Variants in ROBO2 observed in about 807,000 individuals in gnomAD.
ROBO2 encodes the protein roundabout homolog 2.
Under a neutral mutation model 160.8 loss-of-function variants are expected in ROBO2, and 53 were observed. The observed-to-expected ratio is 0.33, with a 90% CI of 0.26 to 0.41. ROBO2 has a LOEUF of 0.41. ROBO2 is among the 10% of genes least tolerant of loss of function. ROBO2 has a pLI of 1.00. For missense variants in ROBO2, 1,577 were observed against 1,722.4 expected, an observed-to-expected ratio of 0.92 and a Z score of 1.49; for synonymous variants, 664 against 611.7, an observed-to-expected ratio of 1.09 and a Z score of -1.26.
At chr3:77,197,819 A>G (rs891409397) in intron 2 of ROBO2, among the ~76,000 whole-genome samples, 1 of 152,226 alleles carries the variant, frequency 6.6e-6, no homozygotes, top group Non-Finnish European at 1.5e-5. Context: ...GGGTGTGGCC[A>G]GTCTAGTTAC....
intron 2 of ROBO2, among the ~76,000 whole-genome samples, chr3:76,228,898 G>A (rs906968318): frequency 1.3e-5 from 2 of 152,162 alleles, no homozygotes; most frequent in African/African-American, 2.4e-5. Flanking sequence ...TGTCATCACA[G>A]CTACTTGTGA....
At chr3:76,183,462 A>C (rs1701604887) in intron 2 of ROBO2, among the ~76,000 whole-genome samples, 1 of 152,140 alleles carries the variant, frequency 6.6e-6, no homozygotes, top group Non-Finnish European at 1.5e-5. Context: ...TACATAATAT[A>C]TATATGGTCA....
At chr3:76,619,799 T>C (rs970853458) in intron 2 of ROBO2, among the ~76,000 whole-genome samples, 1 of 152,200 alleles carries the variant, frequency 6.6e-6, no homozygotes, top group Non-Finnish European at 1.5e-5. Context: ...GAACCCATGA[T>C]TGGCACCTAA....
intron 1 of ROBO2, among the ~76,000 whole-genome samples, chr3:77,093,745 A>G (rs756367732): frequency 3.9e-5 from 6 of 152,136 alleles, no homozygotes; most frequent in East Asian, 1.9e-4. Context: ...ATCTATGTCT[A>G]TCTTTCTAAT....
intron 2 of ROBO2, among the ~76,000 whole-genome samples, chr3:76,899,567 A>C (rs1473433842): frequency 6.6e-6 from 1 of 152,186 alleles, no homozygotes; most frequent in Non-Finnish European, 1.5e-5. Context: ...CATAGAAAGG[A>C]TAATGCTTTA....
intron 2 of ROBO2, among the ~76,000 whole-genome samples, chr3:76,275,525 A>G (rs1707868344): frequency 1.3e-5 from 2 of 152,150 alleles, no homozygotes. Flanking sequence ...TCACTCTGTG[A>G]CTATTTCTAA....
chr3:75,991,539 G>A (rs572325366), intron 2 of ROBO2, among the ~76,000 whole-genome samples: 61 of 152,262 alleles, frequency 4.0e-4, no homozygotes, highest in African/African-American at 6.7e-4. Flanking sequence ...CCCCAGGCAT[G>A]TGGAACAGTA....
At position 77,020,740 on chromosome 3, in the gene ROBO2, A is replaced by AT. The variant is rs1355900250; in HGVS notation, c.110-77273dup. Among the ~76,000 whole-genome samples the AT allele has an allele frequency of 5.3e-5, 8 of 152,370 alleles. No homozygotes were observed. In the East Asian group the frequency reaches 1.2e-3, roughly 22 times the overall value. ...GGATACAAAATCATAGTTTCCAACT[A>AT]TAAAGCGCTATGCAGAGAAAATGGG... On this transcript the variant is annotated intron_variant, in intron 2 of 26. Transcript: ENST00000487694.
At chr3:76,067,845 A>AT (rs5850233) in intron 2 of ROBO2, among the ~76,000 whole-genome samples, 100,607 of 151,948 alleles carry the variant, frequency 0.66, 33,914 homozygotes, top group African/African-American at 0.79. Flanking sequence ...CTAAAATATC[A>AT]TTTCTTCATT....
intron 2 of ROBO2, among the ~76,000 whole-genome samples, chr3:75,959,139 A>G (rs1948819323): frequency 6.6e-6 from 1 of 151,788 alleles, no homozygotes; most frequent in Non-Finnish European, 1.5e-5. Context: ...ACATTTTGGA[A>G]TGCTTCTTTT....
rs147282711 is a variant in ROBO2, at chr3:76,340,146, C to T, written c.109+402544C>T. Among the ~76,000 whole-genome samples the T allele has an allele frequency of 2.1e-3, 318 of 150,610 alleles. 1 individual carries two copies. The highest frequency in any genetic ancestry group is 0.014 in the Middle Eastern group (4 of 288). ...CAAAATATAATTACGTAATAAGAAG[C>T]TAGTTAATTGCACAACACTGACTGT... On this transcript the variant is annotated intron_variant, in intron 2 of 26. Transcript: ENST00000487694.
intron 2 of ROBO2, among the ~76,000 whole-genome samples, chr3:76,147,566 A>G (rs766697527): frequency 6.6e-5 from 10 of 151,952 alleles, no homozygotes; most frequent in Non-Finnish European, 1.2e-4. Flanking sequence ...CCCCAACTCT[A>G]CTCAAAGTAC....
chr3:77,316,766 T>G, intron 2 of ROBO2: 1 of 1,200,992 alleles, frequency 8.3e-7, no homozygotes, highest in South Asian at 1.2e-5. Flanking sequence ...GCTTGAAATT[T>G]CAGTCCTAGA....
At chr3:77,597,507 G>A (rs2094334433) in intron 19 of ROBO2, among the ~76,000 whole-genome samples, 1 of 152,060 alleles carries the variant, frequency 6.6e-6, no homozygotes, top group Non-Finnish European at 1.5e-5. Context: ...GATGAGAGGA[G>A]TAGGGAACTC....
At chr3:76,211,769 G>A (rs1034163882) in intron 2 of ROBO2, among the ~76,000 whole-genome samples, 1 of 151,882 alleles carries the variant, frequency 6.6e-6, no homozygotes, top group Admixed American at 6.6e-5. Flanking sequence ...TTTCAATGAT[G>A]GATAAAAGAT....
intron 1 of ROBO2, among the ~76,000 whole-genome samples, chr3:75,911,199 A>C (rs1233927622): frequency 6.6e-6 from 1 of 152,200 alleles, no homozygotes; most frequent in Non-Finnish European, 1.5e-5. Context: ...GCAGTGAAAA[A>C]ATTACAGCTT....
At chr3:76,589,580 CT>C (rs1434155594) in intron 2 of ROBO2, among the ~76,000 whole-genome samples, 4 of 152,134 alleles carry the variant, frequency 2.6e-5, no homozygotes, top group African/African-American at 9.7e-5. Context: ...ACAATGTTCT[CT>C]AAACACTCCT....
At chr3:77,349,214 T>C (rs989677308) in intron 2 of ROBO2, among the ~76,000 whole-genome samples, 7 of 152,166 alleles carry the variant, frequency 4.6e-5, no homozygotes, top group African/African-American at 1.7e-4. Context: ...ATGGTATGTT[T>C]TGGTGCTGGC....
intron 2 of ROBO2, among the ~76,000 whole-genome samples, chr3:76,028,645 C>T (rs2066819936): frequency 2.6e-5 from 4 of 151,856 alleles, no homozygotes. Flanking sequence ...AAATGTTTAA[C>T]TATGGTGCGG....
Sources: allele counts gnomAD v4.1 joint callset (sites outside exome capture counted in the v4.1 genomes callset), GRCh38; gene constraint gnomAD v4.1.1; transcripts MANE v1.5; gene names NCBI Gene and HGNC (gene_info 2026-07-23, HGNC 2026-07-21).